SNRPE: variants seen among roughly 807,000 people sequenced by gnomAD.
SNRPE encodes small nuclear ribonucleoprotein polypeptide E, also known as small nuclear ribonucleoprotein E.
For synonymous variants in SNRPE, 35 were observed against 36.7 expected, an observed-to-expected ratio of 0.95 and a Z score of 0.17; for missense variants, 53 against 111.6, an observed-to-expected ratio of 0.48 and a Z score of 2.36.
intron 2 of SNRPE, among the ~76,000 whole-genome samples, chr1:203,862,656 A>T (rs1224692938): frequency 3.3e-5 from 5 of 152,224 alleles, no homozygotes; most frequent in Non-Finnish European, 4.4e-5. Context: ...TAAAGACGAA[A>T]AAAGGAAGAG....
At chr1:203,863,456 T>A (rs12730067) in intron 2 of SNRPE, among the ~76,000 whole-genome samples, 12,980 of 152,154 alleles carry the variant, frequency 0.085, 837 homozygotes, top group Non-Finnish European at 0.13. Flanking sequence ...TAGCTGGGAC[T>A]ACAGGCGTGC....
At position 203,862,204 on chromosome 1, in the gene SNRPE, C is replaced by T. The variant is rs889637486; in HGVS notation, c.63C>T (p.Ile21=). The T allele has an allele frequency of 1.2e-6, 2 of 1,610,288 alleles. No homozygotes were observed. Among genetic ancestry groups the T allele is most frequent in the East Asian group, 2.2e-5 (1 of 44,866 alleles). Residue 21 remains isoleucine (I), a synonymous_variant, in exon 2 of 5, where the codon ATC becomes ATT. Coordinates refer to ENST00000414487, the MANE Select transcript of SNRPE (RefSeq NM_003094.4). ...TAGCCACTGTGGTGCAGAACCTCAT[C>T]TTCAGATACTTACAAAATGTACGTA... The part of the protein sequence containing the change: ...QKVMVQPINL[I]FRYLQNRSRI...
At chr1:203,867,323 A>G (rs1214054428) in intron 4 of SNRPE, among the ~76,000 whole-genome samples, 2 of 151,264 alleles carry the variant, frequency 1.3e-5, no homozygotes, top group African/African-American at 4.9e-5. Flanking sequence ...TTTTGGCACC[A>G]GGGACCGGTT....
At chr1:203,862,473 A>G (rs972352130) in intron 2 of SNRPE, among the ~76,000 whole-genome samples, 10 of 152,212 alleles carry the variant, frequency 6.6e-5, no homozygotes, top group Admixed American at 1.3e-4. Flanking sequence ...TTTTAATTCC[A>G]AAAAGTATTA....
In SNRPE at chr1:203,861,616, C is replaced by T. The variant is rs1689977270; in HGVS notation, c.-44C>T. 4 of 1,535,184 alleles carry T rather than the reference C, an allele frequency of 2.6e-6. No individual in the cohort carries two copies. Among genetic ancestry groups the T allele is most frequent in the Admixed American group, 3.3e-5 (2 of 59,826 alleles). Reference sequence around the variant, plus strand: ...TTCCGGTTCTTTATTCCGGAAGTTGCTCTCAGAGGCAGCGTGCGGGTGTGC... The same window carrying T: ...TTCCGGTTCTTTATTCCGGAAGTTGTTCTCAGAGGCAGCGTGCGGGTGTGC... On this transcript the variant is annotated 5_prime_UTR_variant, in exon 1 of 5. Coordinates refer to ENST00000414487, the MANE Select transcript of SNRPE (RefSeq NM_003094.4).
intron 4 of SNRPE, among the ~76,000 whole-genome samples, chr1:203,867,107 GA>G (rs71566135): frequency 2.0e-3 from 105 of 52,852 alleles, no homozygotes; most frequent in Middle Eastern, 9.3e-3. Context: ...TGTCTTTCCT[GA>G]AAAAAAAAAA....
intron 4 of SNRPE, among the ~76,000 whole-genome samples, chr1:203,867,838 T>C (rs1329559760): frequency 9.2e-5 from 14 of 152,142 alleles, no homozygotes; most frequent in Admixed American, 9.2e-4. Flanking sequence ...GTTCAAAGTT[T>C]AATTTGGTTT....
At position 203,870,247 on chromosome 1, in the gene SNRPE, G is replaced by C. The variant is rs970805043; in HGVS notation, c.*315G>C. ...GGCAGATTAGGAATTCTGCCTGATG[G>C]GTAAGCTTCCAGTATTGGGAGGTGG... On this transcript the variant is annotated 3_prime_UTR_variant, in exon 5 of 5. Transcript: ENST00000414487. The C allele has an allele frequency of 6.5e-5, 14 of 214,200 alleles. No homozygotes were observed. Among genetic ancestry groups the C allele is most frequent in the Non-Finnish European group, 1.2e-4 (13 of 109,102 alleles). The allele number at this position is 214,200 out of a possible 1,614,324, so 13.3% of individuals were successfully genotyped here.
intron 4 of SNRPE, among the ~76,000 whole-genome samples, chr1:203,865,730 A>T (rs1054458717): frequency 3.9e-5 from 6 of 152,076 alleles, no homozygotes; most frequent in Non-Finnish European, 7.4e-5. Context: ...AGATTGTTTT[A>T]CCTGTGCTTC....
In SNRPE at chr1:203,869,958, T is replaced by A; in HGVS notation, c.*26T>A. On this transcript the variant is annotated 3_prime_UTR_variant, in exon 5 of 5. Coordinates refer to ENST00000414487, the MANE Select transcript of SNRPE (RefSeq NM_003094.4). ...AAATGATCAATGAAGTGAGAAATTG[T>A]TGAGAAGGATACAGTTTGTTTTTAG... 1 of 1,454,082 alleles carries A rather than the reference T, an allele frequency of 6.9e-7. No homozygotes were observed. The highest frequency in any genetic ancestry group is 9.6e-7 in the Non-Finnish European group (1 of 1,043,704). 90.1% of individuals were successfully genotyped at this position (1,454,082 alleles called of 1,614,324 possible).
intron 1 of SNRPE, 125 bp downstream of exon 1, chr1:203,861,838 C>A: frequency 2.5e-6 from 2 of 794,398 alleles, no homozygotes; most frequent in Non-Finnish European, 4.4e-6. Context: ...CCGGGGCTAC[C>A]AAGACTGGAA....
chr1:203,869,289 C>CTTGTTTTTTTTTTTTTTTTTTT, intron 4 of SNRPE, among the ~76,000 whole-genome samples: 1 of 66,814 alleles, frequency 1.5e-5, no homozygotes, highest in Admixed American at 2.3e-4. Flanking sequence ...AGGATGGAGT[C>CTTGTTTTTTTTTTTTTTTTTTT]TTTTTTTTTT....
At chr1:203,861,824 G>A in intron 1 of SNRPE, 111 bp downstream of exon 1, 7 of 842,590 alleles carry the variant, frequency 8.3e-6, no homozygotes, top group Non-Finnish European at 1.4e-5. Flanking sequence ...CATCCCATGA[G>A]CCCCCGGGGC....
chr1:203,863,643 CACTTTT>C lies in SNRPE; in HGVS notation c.82-18_82-13del. The C allele has an allele frequency of 6.2e-7, 1 of 1,602,140 alleles. No homozygotes were observed. The highest frequency in any genetic ancestry group is 8.5e-7 in the Non-Finnish European group (1 of 1,169,590). ...CCTATTTTTCTTTTTTTAACGTTTC[CACTTTT>C]ATGATTATTTCAGAGATCGCGGATT... On this transcript the variant is annotated splice_polypyrimidine_tract_variant and intron_variant, in intron 2 of 4. Transcript: ENST00000414487.
rs985474226 is a variant in SNRPE at position 203,861,644 on chromosome 1, T to C, written c.-16T>C. On this transcript the variant is annotated 5_prime_UTR_variant, in exon 1 of 5. Coordinates refer to ENST00000414487, the MANE Select transcript of SNRPE (RefSeq NM_003094.4). ...TCAGAGGCAGCGTGCGGGTGTGCTC[T>C]TTGTGAAATTCCACCATGGCGTACC... The C allele has an allele frequency of 3.1e-6, 5 of 1,610,040 alleles. No homozygotes were observed. The highest frequency in any genetic ancestry group is 1.7e-5 in the Admixed American group (1 of 60,008).
intron 4 of SNRPE, among the ~76,000 whole-genome samples, chr1:203,867,657 C>A (rs1214481023): frequency 6.6e-6 from 1 of 152,078 alleles, no homozygotes; most frequent in Non-Finnish European, 1.5e-5. Context: ...ACTGATATGA[C>A]AGGAGGCAGA....
chr1:203,869,455 C>A (rs191413566), intron 4 of SNRPE, among the ~76,000 whole-genome samples: 5 of 151,792 alleles, frequency 3.3e-5, no homozygotes, highest in Admixed American at 1.3e-4. Flanking sequence ...TACAGGCACG[C>A]GCCACCAGGC....
intron 2 of SNRPE, 36 bp from the exon 3 acceptor site, chr1:203,863,627 C>G (rs765450090): frequency 3.2e-6 from 5 of 1,568,526 alleles, no homozygotes; most frequent in Non-Finnish European, 4.4e-6. Context: ...CCCTATTTTT[C>G]TTTTTTTAAC....
intron 3 of SNRPE, 139 bp from the exon 4 acceptor site, chr1:203,864,902 C>G: frequency 2.8e-5 from 7 of 246,346 alleles, no homozygotes; most frequent in Non-Finnish European, 4.5e-5. Flanking sequence ...AAAAAAAAAA[C>G]TTTGGGTGGA....
Sources: allele counts gnomAD v4.1 joint callset (sites outside exome capture counted in the v4.1 genomes callset), GRCh38; gene constraint gnomAD v4.1.1; transcripts MANE v1.5; gene names NCBI Gene and HGNC (gene_info 2026-07-23, HGNC 2026-07-21).